Variants in HDAC9 observed in about 807,000 individuals in gnomAD.
The protein encoded by HDAC9 is histone deacetylase 9.
In HDAC9, 41 loss-of-function variants were observed where a neutral mutation model predicts 139.4. That is an observed-to-expected ratio of 0.29 (90% CI 0.23 to 0.38). HDAC9 has a LOEUF of 0.38. Among genes scored for constraint, HDAC9 ranks in the 10% least tolerant of loss-of-function variants. The probability of loss-of-function intolerance (pLI) is 1.00; values close to 1 mark genes in which losing one functional copy is unlikely to be tolerated. For missense variants in HDAC9, 1,147 were observed against 1,297.0 expected (o/e 0.88, Z 1.78); for synonymous variants, 517 against 476.2 (o/e 1.09, Z -1.12).
chr7:18,943,177 T>C (rs1160371279), intron 23 of HDAC9, among the ~76,000 whole-genome samples: 2 of 152,082 alleles, frequency 1.3e-5, no homozygotes, highest in South Asian at 2.1e-4. Flanking sequence ...ACAGACATTA[T>C]GTTGGAAAAC....
Position 18,935,824 on chromosome 7 carries a change from C to T in HDAC9, c.2819C>T (p.Thr940Met), listed in dbSNP as rs199497912. ...ATTATGGTAGGTTTTGGTCATTTGA[C>T]GAAGCAATTGATGACATTGGCTGAT... ...KVTAKCFGHL[T>M]KQLMTLADGR... is the part of the protein sequence containing the mutation. The change falls in exon 23 of 26, where the codon ACG becomes ATG. Residue 940 changes from threonine to methionine, a missense_variant. By Grantham distance (81) the Thr-to-Met change is moderately conservative. Around this residue, in one of 7 missense-constraint regions of HDAC9, gnomAD observed 407 missense variants for 521.5 expected, o/e 0.78. Transcript: ENST00000686413. 127 of 1,613,122 alleles carry T rather than the reference C, an allele frequency of 7.9e-5. No individual in the cohort carries two copies. In the African/African-American group the frequency reaches 1.1e-3, roughly 14 times the overall value.
intron 1 of HDAC9, among the ~76,000 whole-genome samples, chr7:18,137,617 G>C (rs1242415841): frequency 6.7e-6 from 1 of 150,126 alleles, no homozygotes; most frequent in Non-Finnish European, 1.5e-5. Flanking sequence ...TTATTGATTT[G>C]CGTATATTGA....
In HDAC9 at chr7:18,647,843, T is replaced by C. The variant is rs1168686447; in HGVS notation, c.1094T>C (p.Val365Ala). ...KCETQTLRQG[V>A]PLPGQYGGSI... is the part of the protein sequence containing the mutation. ...GAGACGCAGACGCTTAGGCAAGGTG[T>C]TCCTCTGCCTGGGCAGTATGGAGGC... The change falls in exon 10 of 26, where the codon GTT (valine) becomes GCT (alanine). Residue 365 changes from valine to alanine, a missense_variant. Around this residue, in one of 7 missense-constraint regions of HDAC9, gnomAD observed 264 missense variants for 273.8 expected, o/e 0.96. Coordinates refer to ENST00000686413, the MANE Select transcript of HDAC9 (RefSeq NM_178425.4). 1.1e-5 allele frequency: 17 copies of C among 1,612,594 alleles called. No homozygotes were observed. The East Asian group carries it at 3.8e-4, about 36-fold the overall frequency.
chr7:18,964,471 C>A (rs1783723252), intron 24 of HDAC9, among the ~76,000 whole-genome samples: 3 of 152,130 alleles, frequency 2.0e-5, no homozygotes, highest in Admixed American at 2.0e-4. Flanking sequence ...CCTGTAAGAT[C>A]TATGAAAGTA....
chr7:18,698,086 T>C (rs531205512), intron 12 of HDAC9, among the ~76,000 whole-genome samples: 273 of 152,322 alleles, frequency 1.8e-3, no homozygotes, highest in African/African-American at 6.3e-3. Context: ...TCATAAACAC[T>C]GATTATAACT....
intron 12 of HDAC9, among the ~76,000 whole-genome samples, chr7:18,701,406 ACAAAACAAAC>A (rs1226095610): frequency 1.8e-4 from 26 of 143,530 alleles, no homozygotes; most frequent in African/African-American, 6.5e-4. Flanking sequence ...TTAAAAAAAA[ACAAAACAAAC>A]AAAAAAAAAA....
At chr7:18,264,352 A>G (rs1795871148) in intron 2 of HDAC9, among the ~76,000 whole-genome samples, 1 of 152,210 alleles carries the variant, frequency 6.6e-6, no homozygotes, top group Admixed American at 6.5e-5. Context: ...GAAATTAGAA[A>G]TTAAAAAAAA....
At chr7:18,559,753 T>C (rs112730195) in intron 2 of HDAC9, among the ~76,000 whole-genome samples, 149 of 152,304 alleles carry the variant, frequency 9.8e-4, no homozygotes, top group Non-Finnish European at 1.7e-3. Context: ...AATTATTTAG[T>C]AACAGCTTTG....
intron 16 of HDAC9, among the ~76,000 whole-genome samples, chr7:18,778,954 C>T (rs369176177): frequency 8.6e-5 from 13 of 152,028 alleles, no homozygotes; most frequent in East Asian, 3.9e-4. Flanking sequence ...CATGGCATGC[C>T]CCTTTTCTCC....
intron 21 of HDAC9, among the ~76,000 whole-genome samples, chr7:18,856,119 G>A (rs777707928): frequency 6.6e-6 from 1 of 152,090 alleles, no homozygotes; most frequent in East Asian, 1.9e-4. Context: ...CTCTTAAAAT[G>A]CATGCTTTGA....
At chr7:18,205,066 G>A (rs928407855) in intron 2 of HDAC9, among the ~76,000 whole-genome samples, 4 of 151,886 alleles carry the variant, frequency 2.6e-5, no homozygotes, top group African/African-American at 9.7e-5. Context: ...GGGAGTTAGA[G>A]ACATTAGTAT....
intron 1 of HDAC9, among the ~76,000 whole-genome samples, chr7:18,361,859 A>C (rs1220648762): frequency 6.6e-6 from 1 of 151,792 alleles, no homozygotes; most frequent in Non-Finnish European, 1.5e-5. Context: ...CTAATTACTG[A>C]TACACTCAGG....
chr7:18,251,404 G>T (rs1794910695), intron 2 of HDAC9, among the ~76,000 whole-genome samples: 1 of 152,224 alleles, frequency 6.6e-6, no homozygotes, highest in Middle Eastern at 3.4e-3. Flanking sequence ...GTAGCTAATG[G>T]ATTCTGGGCT....
intron 16 of HDAC9, among the ~76,000 whole-genome samples, chr7:18,788,093 C>G (rs1050005894): frequency 6.6e-6 from 1 of 152,112 alleles, no homozygotes; most frequent in Non-Finnish European, 1.5e-5. Flanking sequence ...TCTGCACCAC[C>G]TGACTCTTCC....
intron 22 of HDAC9, among the ~76,000 whole-genome samples, chr7:18,922,193 C>T (rs538629372): frequency 4.6e-5 from 7 of 151,856 alleles, no homozygotes; most frequent in African/African-American, 1.4e-4. Context: ...CAAACCTGCA[C>T]GTTGTGCACA....
At chr7:18,710,168 T>C (rs1294181334) in intron 12 of HDAC9, among the ~76,000 whole-genome samples, 3 of 152,100 alleles carry the variant, frequency 2.0e-5, no homozygotes, top group Non-Finnish European at 4.4e-5. Context: ...TTCACTATCA[T>C]GAGAACAGCA....
chr7:18,280,266 A>T (rs1002308611), intron 2 of HDAC9, among the ~76,000 whole-genome samples: 8 of 152,080 alleles, frequency 5.3e-5, no homozygotes, highest in African/African-American at 1.9e-4. Flanking sequence ...AGCTTGGATA[A>T]CATAGTGTGA....
At chr7:18,305,342 T>C (rs912675074) in intron 1 of HDAC9, among the ~76,000 whole-genome samples, 3 of 152,108 alleles carry the variant, frequency 2.0e-5, no homozygotes, top group African/African-American at 7.2e-5. Context: ...TAAACAGTCA[T>C]CAAATATGAA....
rs575932399 is a variant in HDAC9 at position 18,561,726 on chromosome 7, T to G, written c.23-23555T>G. The stretch of plus-strand genomic sequence containing the variant: ...TGTGGTCGCTTCTGACTGCCTTCCT[T>G]TACTCAGCATGGTTTCAAGGTTTAC... On this transcript the variant is annotated intron_variant, in intron 2 of 25. Transcript: ENST00000686413. 8.5e-5 allele frequency among the ~76,000 whole-genome samples: 13 copies of G among 152,308 alleles called. No individual in the cohort carries two copies. The South Asian group carries it at 2.5e-3, about 29-fold the overall frequency.
Sources: gnomAD v4.1 joint callset for allele counts (sites outside exome capture counted in the v4.1 genomes callset) on GRCh38, gnomAD v4.1.1 for gene constraint, gnomAD v4.1.1 regional missense constraint, MANE v1.5 for transcripts, NCBI Gene and HGNC (gene_info 2026-07-23, HGNC 2026-07-21) for gene names.